SPAG17: variants seen among roughly 807,000 people sequenced by gnomAD.
SPAG17 encodes the protein sperm associated antigen 17.
In SPAG17, 169 loss-of-function variants were observed where a neutral mutation model predicts 273.6. That is an observed-to-expected ratio of 0.62 (90% confidence interval 0.55 to 0.70). The LOEUF (loss-of-function observed/expected upper bound fraction) is 0.70. Among genes scored for constraint, SPAG17 ranks in the 30% least tolerant of loss-of-function variants. The pLI is 0.00. For missense variants in SPAG17, 2,557 were observed against 2,627.8 expected (o/e 0.97, Z 0.59); for synonymous variants, 825 against 873.2 (o/e 0.94, Z 0.97).
At chr1:118,153,226 T>C (rs1365076549) in intron 1 of SPAG17, among the ~76,000 whole-genome samples, 2 of 152,308 alleles carry the variant, frequency 1.3e-5, no homozygotes, top group Non-Finnish European at 1.5e-5. Flanking sequence ...CTAACAATTA[T>C]TGTGAATCTG....
chr1:118,035,137 T>C (rs984999276), intron 24 of SPAG17, among the ~76,000 whole-genome samples: 2 of 152,196 alleles, frequency 1.3e-5, no homozygotes, highest in Non-Finnish European at 2.9e-5. Flanking sequence ...TGTATATACA[T>C]ACGCATATAA....
intron 18 of SPAG17, among the ~76,000 whole-genome samples, chr1:118,058,558 T>C (rs1651947698): frequency 6.6e-6 from 1 of 152,220 alleles, no homozygotes; most frequent in African/African-American, 2.4e-5. Context: ...TGCAGAAAGA[T>C]AGAAGTGTGG....
chr1:118,049,843 G>T (rs1480401831), intron 20 of SPAG17, among the ~76,000 whole-genome samples: 1 of 152,194 alleles, frequency 6.6e-6, no homozygotes. Flanking sequence ...ACCATCAGGT[G>T]ATGGCCAGGC....
intron 44 of SPAG17, among the ~76,000 whole-genome samples, chr1:117,972,619 G>C (rs58520785): frequency 1.3e-5 from 2 of 152,174 alleles, no homozygotes; most frequent in African/African-American, 2.4e-5. Context: ...CCCTACACCA[G>C]ATCTAGTGAG....
At chr1:118,074,083 T>C (rs961796640) in intron 16 of SPAG17, 116 bp from the exon 17 acceptor site, 4 of 676,008 alleles carry the variant, frequency 5.9e-6, no homozygotes, top group African/African-American at 1.9e-5. Flanking sequence ...AATCTGCATA[T>C]GTATAAATCC....
intron 4 of SPAG17, among the ~76,000 whole-genome samples, chr1:118,102,881 G>T (rs1277454787): frequency 2.0e-5 from 3 of 152,198 alleles, no homozygotes; most frequent in Non-Finnish European, 4.4e-5. Flanking sequence ...ACTCCATGTG[G>T]CTTCTGGATG....
intron 30 of SPAG17, among the ~76,000 whole-genome samples, chr1:118,009,038 T>C (rs1571225930): frequency 6.6e-6 from 1 of 152,110 alleles, no homozygotes; most frequent in Admixed American, 6.6e-5. Flanking sequence ...CCTCTCTCTA[T>C]AAGCAGAAAT....
At chr1:118,177,771 TGA>T (rs1208984578) in intron 1 of SPAG17, among the ~76,000 whole-genome samples, 1 of 151,996 alleles carries the variant, frequency 6.6e-6, no homozygotes, top group Non-Finnish European at 1.5e-5. Flanking sequence ...CAAAGAATCA[TGA>T]GAGACTATTA....
chr1:118,037,195 C>T (rs1411894708), intron 23 of SPAG17, among the ~76,000 whole-genome samples: 2 of 152,164 alleles, frequency 1.3e-5, no homozygotes, highest in African/African-American at 4.8e-5. Context: ...TTAAAACCAT[C>T]AGTTCAGTTT....
Position 118,031,686 on chromosome 1 carries a change from A to G in SPAG17, c.3609+6T>C. On this transcript the variant is annotated splice_donor_region_variant and intron_variant, in intron 25 of 48. Coordinates refer to ENST00000336338, the MANE Select transcript of SPAG17 (RefSeq NM_206996.4). ...AGTTTGGGAATCTATGGCAAGGTTC[A>G]TTTACCTTTTTCTCTTCTTCTTTTG... The G allele has an allele frequency of 6.2e-7, 1 of 1,612,100 alleles. No individual in the cohort carries two copies. The highest frequency in any genetic ancestry group is 1.1e-5 in the South Asian group (1 of 90,860).
At chr1:118,128,171 A>C (rs908802877) in intron 3 of SPAG17, among the ~76,000 whole-genome samples, 3 of 150,606 alleles carry the variant, frequency 2.0e-5, no homozygotes, top group African/African-American at 7.3e-5. Context: ...ATTTTTGTGC[A>C]GCTGTTGCAA....
chr1:117,996,291 A>T (rs1421019146), intron 34 of SPAG17, 79 bp downstream of exon 34: 2 of 1,468,252 alleles, frequency 1.4e-6, no homozygotes, highest in African/African-American at 2.8e-5. Flanking sequence ...GTAAGATGAC[A>T]TGAAGATAGA....
At chr1:118,161,778 G>A (rs942387126) in intron 1 of SPAG17, among the ~76,000 whole-genome samples, 72 of 152,236 alleles carry the variant, frequency 4.7e-4, no homozygotes, top group African/African-American at 1.6e-3. Context: ...CTCATGATCT[G>A]CCTGCCTCGG....
At chr1:118,154,568 A>G (rs751436116) in intron 1 of SPAG17, among the ~76,000 whole-genome samples, 5 of 152,186 alleles carry the variant, frequency 3.3e-5, no homozygotes, top group Non-Finnish European at 7.3e-5. Flanking sequence ...GGGTAACCAG[A>G]GATTCCAAAC....
Position 117,971,942 on chromosome 1 carries a change from CTG to C in SPAG17, c.6245_6246del (p.Ser2082CysfsTer7). On this transcript the variant is annotated frameshift_variant, in exon 45 of 49. Coordinates refer to ENST00000336338, the MANE Select transcript of SPAG17 (RefSeq NM_206996.4). LOFTEE classifies it high-confidence loss of function. ...SLFGFHLLPS[S>X]VKFGVLKEGH... ...CCTTCCTTAAGCACTCCAAACTTGA[CTG>C]ATGATGGGAGAAGATGGAACCCAAA... 6.2e-7 allele frequency: 1 copy of C among 1,614,122 alleles called. No homozygotes were observed. The highest frequency in any genetic ancestry group is 2.2e-5 in the East Asian group (1 of 44,880).
chr1:118,087,967 T>A (rs1028655422), intron 10 of SPAG17, among the ~76,000 whole-genome samples: 1 of 152,222 alleles, frequency 6.6e-6, no homozygotes, highest in African/African-American at 2.4e-5. Flanking sequence ...CATAGCCAAA[T>A]GTCCTCTGGG....
intron 48 of SPAG17, 194 bp from the exon 49 acceptor site, chr1:117,954,243 G>A: frequency 7.0e-6 from 5 of 717,088 alleles, no homozygotes; most frequent in Non-Finnish European, 1.1e-5. Flanking sequence ...AGAAGAAATT[G>A]AGGAAGTGTG....
At chr1:117,972,267 T>G (rs890121290) in intron 44 of SPAG17, among the ~76,000 whole-genome samples, 21 of 152,222 alleles carry the variant, frequency 1.4e-4, no homozygotes, top group African/African-American at 5.1e-4. Context: ...GATGGATAAT[T>G]GTTCAAGTGG....
intron 40 of SPAG17, among the ~76,000 whole-genome samples, chr1:117,985,022 C>T (rs1160347098): frequency 1.3e-5 from 2 of 152,120 alleles, no homozygotes; most frequent in Admixed American, 1.3e-4. Context: ...AATAATGATA[C>T]CAGGTGTTAG....
Sources: gnomAD v4.1 joint callset for allele counts (sites outside exome capture counted in the v4.1 genomes callset) on GRCh38, gnomAD v4.1.1 for gene constraint, MANE v1.5 for transcripts, NCBI Gene and HGNC (gene_info 2026-07-23, HGNC 2026-07-21) for gene names.